Variants in SERPING1 observed in about 807,000 individuals in gnomAD.
SERPING1 encodes serpin family G member 1.
A neutral mutation model predicts 34.1 loss-of-function variants in SERPING1; 5 were observed. That is an observed-to-expected ratio of 0.15 (90% CI 0.08 to 0.31). The LOEUF is 0.31. SERPING1 is among the 10% of genes least tolerant of loss of function. SERPING1 has a pLI of 1.00. For missense variants in SERPING1, 505 were observed against 609.5 expected (o/e 0.83, Z 1.81); for synonymous variants, 225 against 242.4 (o/e 0.93, Z 0.67).
intron 3 of SERPING1, among the ~76,000 whole-genome samples, chr11:57,601,480 T>C (rs1468959140): frequency 6.6e-6 from 1 of 151,406 alleles, no homozygotes; most frequent in African/African-American, 2.4e-5. Flanking sequence ...TCTTGAGGGA[T>C]TACTGTCAAG....
chr11:57,598,374 G>T (rs1007614693), intron 2 of SERPING1, 53 bp downstream of exon 2: 1 of 1,508,260 alleles, frequency 6.6e-7, no homozygotes, highest in Non-Finnish European at 8.9e-7. Context: ...GAGGCGGGAT[G>T]GTGCGGGGTG....
intron 1 of SERPING1, chr11:57,597,923 C>A: frequency 3.3e-6 from 1 of 305,670 alleles, no homozygotes. Context: ...CCCCCCAGGA[C>A]CTCCCCTCCC....
intron 7 of SERPING1, among the ~76,000 whole-genome samples, chr11:57,613,434 T>C (rs1945502938): frequency 1.3e-5 from 2 of 152,206 alleles, no homozygotes; most frequent in African/African-American, 4.8e-5. Flanking sequence ...CACAACTCCC[T>C]GCTAGGGTTT....
In SERPING1 at chr11:57,606,057, A is replaced by G. The variant is rs1274355910; in HGVS notation, c.733A>G (p.Ser245Gly). ...TGTGAATGCCTCTCGGACCCTGTAC[A>G]GCAGCAGCCCCAGAGTCCTAAGCAA... ...TFVNASRTLY[S>G]SSPRVLSNNS... Residue 245 changes from serine (S) to glycine (G), a missense_variant, in exon 5 of 8, where the codon AGC (serine) becomes GGC (glycine). Transcript: ENST00000278407. 2 of 1,614,024 alleles carry G rather than the reference A, an allele frequency of 1.2e-6. No individual in the cohort carries two copies. The highest frequency in any genetic ancestry group is 8.5e-7 in the Non-Finnish European group (1 of 1,180,036).
chr11:57,614,745 A>C lies in SERPING1; in HGVS notation c.*164A>C. On this transcript the variant is annotated 3_prime_UTR_variant, in exon 8 of 8. Coordinates refer to ENST00000278407, the MANE Select transcript of SERPING1 (RefSeq NM_000062.3). Reference sequence around the variant, plus strand: ...GGGTCTGGGCAAGGGACCTGCTTCTATTAGCCCTTCTCCATGGCCCTGCCA... The same window carrying C: ...GGGTCTGGGCAAGGGACCTGCTTCTCTTAGCCCTTCTCCATGGCCCTGCCA... 1 of 757,192 alleles carries C rather than the reference A, an allele frequency of 1.3e-6. No homozygotes were observed. Among genetic ancestry groups the C allele is most frequent in the South Asian group, 1.8e-5 (1 of 54,558 alleles). 46.9% of individuals were successfully genotyped at this position (757,192 alleles called of 1,614,324 possible). A position where few individuals can be genotyped will look rare whatever the true frequency, so the allele number is the denominator to read the frequency against.
chr11:57,605,930 G>A lies in SERPING1; in HGVS notation c.686-80G>A, dbSNP rs549998365. On this transcript the variant is annotated intron_variant, in intron 4 of 7. Coordinates refer to ENST00000278407, the MANE Select transcript of SERPING1 (RefSeq NM_000062.3). ...AAGTGAGCAGATAGAACCATAGAAA[G>A]CATGCTCACTCTCAAATCGTGCTCA... The A allele has an allele frequency of 2.5e-4, 319 of 1,271,954 alleles. 1 individual carries two copies. Among genetic ancestry groups the A allele is most frequent in the Non-Finnish European group, 3.4e-4 (297 of 869,956 alleles). 78.8% of individuals were successfully genotyped at this position (1,271,954 alleles called of 1,614,324 possible).
At chr11:57,613,332 G>A (rs145290782) in intron 7 of SERPING1, among the ~76,000 whole-genome samples, 14 of 152,110 alleles carry the variant, frequency 9.2e-5, no homozygotes, top group Non-Finnish European at 1.5e-4. Flanking sequence ...TAAGTGCTCC[G>A]CCCCAGCAAA....
In SERPING1 at chr11:57,602,054, A is replaced by G. The variant is rs1285001676; in HGVS notation, c.570A>G (p.Lys190=). The G allele has an allele frequency of 1.9e-6, 3 of 1,614,004 alleles. No individual in the cohort carries two copies. Among genetic ancestry groups the G allele is most frequent in the Non-Finnish European group, 2.5e-6 (3 of 1,179,988 alleles). Reference sequence around the variant, plus strand: ...TTGCAGGGGCTGGGGAGAACACCAAAACAAACCTGGAGAGCATCCTCTCTT... The same window carrying G: ...TTGCAGGGGCTGGGGAGAACACCAAGACAAACCTGGAGAGCATCCTCTCTT... ...QVLLGAGENT[K]TNLESILSYP... Residue 190 remains lysine, a synonymous_variant, in exon 4 of 8, where the codon AAA becomes AAG. Coordinates refer to ENST00000278407, the MANE Select transcript of SERPING1 (RefSeq NM_000062.3).
At chr11:57,613,122 T>A (rs1035561300) in intron 7 of SERPING1, among the ~76,000 whole-genome samples, 1 of 152,242 alleles carries the variant, frequency 6.6e-6, no homozygotes, top group African/African-American at 2.4e-5. Context: ...GCCTAACACA[T>A]GATTCCATTT....
intron 5 of SERPING1, 36 bp from the exon 6 acceptor site, chr11:57,606,372 C>G: frequency 6.2e-7 from 1 of 1,613,720 alleles, no homozygotes; most frequent in Non-Finnish European, 8.5e-7. Flanking sequence ...CTTTTCCTAC[C>G]TGCATTAGAG....
chr11:57,598,468 A>C, intron 2 of SERPING1, 147 bp downstream of exon 2: 4 of 778,408 alleles, frequency 5.1e-6, no homozygotes, highest in Non-Finnish European at 8.3e-6. Context: ...ATCCTTGCAC[A>C]CGCACTCGTA....
intron 4 of SERPING1, among the ~76,000 whole-genome samples, chr11:57,604,242 G>C (rs1174116124): frequency 6.6e-6 from 1 of 151,946 alleles, no homozygotes; most frequent in Non-Finnish European, 1.5e-5. Flanking sequence ...GCTCATTTTT[G>C]GGTCAAAGGA....
rs987883329 is a variant in SERPING1, at chr11:57,614,510, C to T, written c.1432C>T (p.Leu478Phe). 6.2e-7 allele frequency: 1 copy of T among 1,614,086 alleles called. No individual in the cohort carries two copies. Among genetic ancestry groups the T allele is most frequent in the African/African-American group, 1.3e-5 (1 of 75,050 alleles). ...LLVFEVQQPFLFVLWDQQHKF... is the reference protein window; with the variant it reads ...LLVFEVQQPFFFVLWDQQHKF... Reference sequence around the variant, plus strand: ...GGTCTTTGAAGTGCAGCAGCCCTTCCTCTTCGTGCTCTGGGACCAGCAGCA... The same window carrying T: ...GGTCTTTGAAGTGCAGCAGCCCTTCTTCTTCGTGCTCTGGGACCAGCAGCA... The change falls in exon 8 of 8, where the codon CTC (leucine) becomes TTC (phenylalanine). Residue 478 changes from leucine to phenylalanine, a missense_variant. Physicochemically the swap from Leu to Phe is conservative, Grantham distance 22 (BLOSUM62 0). Coordinates refer to ENST00000278407, the MANE Select transcript of SERPING1 (RefSeq NM_000062.3).
intron 6 of SERPING1, 69 bp from the exon 7 acceptor site, chr11:57,611,648 G>A: frequency 7.1e-7 from 1 of 1,400,118 alleles, no homozygotes; most frequent in African/African-American, 1.4e-5. Flanking sequence ...GGACAGCATT[G>A]TGACAGAGGG....
At chr11:57,600,451 C>T (rs528361180) in intron 3 of SERPING1, 74 bp downstream of exon 3, 2 of 1,526,188 alleles carry the variant, frequency 1.3e-6, no homozygotes, top group African/African-American at 1.4e-5. Context: ...CAGACACTTA[C>T]AAAGCCATGC....
At position 57,606,093 on chromosome 11, in the gene SERPING1, G is replaced by T; in HGVS notation, c.769G>T (p.Ala257Ser). Residue 257 changes from alanine to serine, a missense_variant, in exon 5 of 8, where the codon GCC becomes TCC. Transcript: ENST00000278407. ...CAGAGTCCTAAGCAACAACAGTGAC[G>T]CCAACTTGGAGCTCATCAACACCTG... ...SPRVLSNNSD[A>S]NLELINTWVA... 6.2e-7 allele frequency: 1 copy of T among 1,614,078 alleles called. No homozygotes were observed. The highest frequency in any genetic ancestry group is 8.5e-7 in the Non-Finnish European group (1 of 1,180,028).
intron 7 of SERPING1, among the ~76,000 whole-genome samples, chr11:57,613,871 A>T (rs1207397566): frequency 6.6e-6 from 1 of 152,024 alleles, no homozygotes. Context: ...AGGAAATTCC[A>T]AGGGATCTAG....
Position 57,598,229 on chromosome 11 carries a change from G to A in SERPING1, c.-22-20G>A, listed in dbSNP as rs1945309520. The A allele has an allele frequency of 1.3e-6, 2 of 1,537,650 alleles. No individual in the cohort carries two copies. The highest frequency in any genetic ancestry group is 2.7e-5 in the African/African-American group (2 of 72,826). On this transcript the variant is annotated intron_variant, in intron 1 of 7. Coordinates refer to ENST00000278407, the MANE Select transcript of SERPING1 (RefSeq NM_000062.3). ...GGCTCCCAGGGTGGGAGCTGGCTCC[G>A]AGGCTGGCTGGCTCCGCAGGTCCGC... is the stretch of plus-strand genomic sequence containing the variant.
In SERPING1 at chr11:57,614,382, A is replaced by T; in HGVS notation, c.1304A>T (p.Asp435Val). ...CTGTGTGGGCTGACAGAGGACCCAG[A>T]TCTTCAGGTTTCTGCGATGCAGCAC... The part of the protein sequence containing the change: ...LNLCGLTEDP[D>V]LQVSAMQHQT... The change falls in exon 8 of 8, where the codon GAT (aspartate) becomes GTT (valine). Residue 435 changes from aspartate to valine, a missense_variant. Physicochemically the swap from Asp to Val is radical, Grantham distance 152 (BLOSUM62 -3). Coordinates refer to ENST00000278407, the MANE Select transcript of SERPING1 (RefSeq NM_000062.3). 5 of 1,614,082 alleles carry T rather than the reference A, an allele frequency of 3.1e-6. No homozygotes were observed. Among genetic ancestry groups the T allele is most frequent in the Non-Finnish European group, 4.2e-6 (5 of 1,180,026 alleles).
Sources: allele counts gnomAD v4.1 joint callset (sites outside exome capture counted in the v4.1 genomes callset), GRCh38; gene constraint gnomAD v4.1.1; transcripts MANE v1.5; gene names NCBI Gene and HGNC (gene_info 2026-07-23, HGNC 2026-07-21).